Variants in ATG7 observed in about 807,000 individuals in gnomAD.
ATG7 encodes the protein autophagy related 7, also known as ubiquitin-like modifier-activating enzyme ATG7.
In ATG7, 70 loss-of-function variants were observed where a neutral mutation model predicts 82.4. The ratio of observed to expected loss-of-function variants is 0.85; its 90% confidence interval spans 0.70 to 1.04. The LOEUF is 1.04. Among genes scored for constraint, ATG7 ranks in the 50% least tolerant of loss-of-function variants. The pLI, the probability that ATG7 is intolerant of heterozygous loss-of-function variation, is 0.00. For synonymous variants in ATG7, 287 were observed against 313.0 expected (o/e 0.92, Z 0.88); for missense variants, 792 against 864.3 (o/e 0.92, Z 1.05).
chr3:11,339,034 T>C (rs1027314170), intron 11 of ATG7, among the ~76,000 whole-genome samples: 9 of 152,144 alleles, frequency 5.9e-5, no homozygotes, highest in Non-Finnish European at 1.2e-4. Context: ...TGGTAACTCA[T>C]GCCTGTAATC....
At chr3:11,435,186 C>T (rs976070758) in intron 20 of ATG7, among the ~76,000 whole-genome samples, 7 of 152,176 alleles carry the variant, frequency 4.6e-5, no homozygotes, top group Non-Finnish European at 7.3e-5. Context: ...TCTATTATAT[C>T]TAGCTACCAT....
intron 20 of ATG7, among the ~76,000 whole-genome samples, chr3:11,516,697 T>A (rs2092292636): frequency 1.3e-5 from 2 of 152,110 alleles, no homozygotes; most frequent in South Asian, 4.2e-4. Flanking sequence ...AATGGAGAAA[T>A]AAACTGTGGT....
At chr3:11,438,581 A>C (rs1232892554) in intron 20 of ATG7, among the ~76,000 whole-genome samples, 1 of 73,066 alleles carries the variant, frequency 1.4e-5, no homozygotes, top group Non-Finnish European at 2.7e-5. Flanking sequence ...AAACAAAACA[A>C]AAATAAAGAT....
chr3:11,286,999 C>G (rs189665072), intron 3 of ATG7, among the ~76,000 whole-genome samples: 1 of 151,798 alleles, frequency 6.6e-6, no homozygotes, highest in Admixed American at 6.6e-5. Context: ...ACTCCTGCCC[C>G]CAAGCAGTCC....
intron 19 of ATG7, among the ~76,000 whole-genome samples, chr3:11,400,871 T>G (rs1236253250): frequency 6.6e-6 from 1 of 152,188 alleles, no homozygotes; most frequent in Non-Finnish European, 1.5e-5. Context: ...GAAACCTGGC[T>G]CTCTCTGCAG....
rs1396935199 is a variant in ATG7, at chr3:11,554,864, G to C, written c.*21G>C. ...TCTGAGATGGCCCCGCTGTGGGGCTGACTTCTCCCCGGCCGCCTGCTGAGG... is the reference window on the plus strand; with the variant it reads ...TCTGAGATGGCCCCGCTGTGGGGCTCACTTCTCCCCGGCCGCCTGCTGAGG... On this transcript the variant is annotated 3_prime_UTR_variant, in exon 21 of 21. Transcript: ENST00000693202. 1 of 1,611,600 alleles carries C rather than the reference G, an allele frequency of 6.2e-7. No individual in the cohort carries two copies. Among genetic ancestry groups the C allele is most frequent in the African/African-American group, 1.3e-5 (1 of 74,902 alleles).
At chr3:11,405,083 C>T (rs2080203012) in intron 19 of ATG7, among the ~76,000 whole-genome samples, 1 of 152,166 alleles carries the variant, frequency 6.6e-6, no homozygotes, top group Admixed American at 6.6e-5. Context: ...TCAGCTGTTA[C>T]ATACCAAGTC....
At chr3:11,497,966 G>C (rs903578383) in intron 20 of ATG7, among the ~76,000 whole-genome samples, 1 of 152,114 alleles carries the variant, frequency 6.6e-6, no homozygotes, top group Non-Finnish European at 1.5e-5. Flanking sequence ...TCGTCGGGTA[G>C]ACGTGAGCCT....
chr3:11,396,883 G>C lies in ATG7; in HGVS notation c.1956+16831G>C, dbSNP rs551068986. Among the ~76,000 whole-genome samples the C allele has an allele frequency of 2.0e-5, 3 of 152,190 alleles. No individual in the cohort carries two copies. The East Asian group carries it at 5.8e-4, about 29-fold the overall frequency. ...AAGGTTCTTGCATTGTCTTGGAAGA[G>C]GTTAAAGATAGGAATTAATGCTTGA... On this transcript the variant is annotated intron_variant, in intron 19 of 20. Transcript: ENST00000693202.
the ATG7 span, among the ~76,000 whole-genome samples, chr3:11,572,746 A>G: frequency 6.6e-6 from 1 of 152,164 alleles, no homozygotes; most frequent in African/African-American, 2.4e-5. Context: ...ATGTTCCAAC[A>G]CAGAGACCTG....
chr3:11,439,589 G>A (rs1317961916), intron 20 of ATG7, among the ~76,000 whole-genome samples: 2 of 152,246 alleles, frequency 1.3e-5, no homozygotes, highest in East Asian at 3.8e-4. Flanking sequence ...ACGCAGTATA[G>A]TTGGGGAGAT....
intron 20 of ATG7, among the ~76,000 whole-genome samples, chr3:11,534,757 A>G (rs998251480): frequency 6.6e-6 from 1 of 152,132 alleles, no homozygotes; most frequent in African/African-American, 2.4e-5. Context: ...CCTCTTGACC[A>G]CCTGGGGGGA....
chr3:11,539,618 C>T (rs1222652327), intron 20 of ATG7, among the ~76,000 whole-genome samples: 4 of 152,128 alleles, frequency 2.6e-5, no homozygotes, highest in South Asian at 4.1e-4. Context: ...GAAAAAGACA[C>T]GGTATTTCTC....
At chr3:11,558,474 GAT>G, downstream of ATG7, 1 of 1,238,908 alleles carries the variant, frequency 8.1e-7, no homozygotes. Flanking sequence ...CCACCCCCAT[GAT>G]TTTTTTTTTT....
intron 20 of ATG7, among the ~76,000 whole-genome samples, chr3:11,490,911 C>T (rs547850170): frequency 2.0e-5 from 3 of 152,252 alleles, no homozygotes; most frequent in East Asian, 3.9e-4. Context: ...AACATTTTTT[C>T]CTTCATTTCA....
intron 20 of ATG7, among the ~76,000 whole-genome samples, chr3:11,475,908 C>CACACACACACA (rs59230356): frequency 7.6e-5 from 11 of 145,652 alleles, no homozygotes; most frequent in South Asian, 6.9e-4. Context: ...CACACACACA[C>CACACACACACA]CCCCTCCCAG....
At chr3:11,488,348 C>T (rs1470995849) in intron 20 of ATG7, 31 of 624,170 alleles carry the variant, frequency 5.0e-5, no homozygotes, top group Middle Eastern at 5.9e-4. Context: ...CCAGCCGCTG[C>T]CTCCCGGGCG....
At chr3:11,416,350 G>A (rs149438838) in intron 19 of ATG7, among the ~76,000 whole-genome samples, 310 of 152,200 alleles carry the variant, frequency 2.0e-3, no homozygotes, top group African/African-American at 7.1e-3. Flanking sequence ...CTTTCTATTT[G>A]GGAAGGTTAT....
At position 11,457,398 on chromosome 3, in the gene ATG7, A is replaced by G. The variant is rs370533656; in HGVS notation, c.2079+30472A>G. Among the ~76,000 whole-genome samples, 169 of 152,256 alleles carry G rather than the reference A, an allele frequency of 1.1e-3. 1 individual carries two copies. In the Middle Eastern group the frequency reaches 0.017, roughly 15 times the overall value. ...AACTTTGAGTAATGACACACACAAG[A>G]TAGAGGCTGTGCTTCCTTATCTGAA... On this transcript the variant is annotated intron_variant, in intron 20 of 20. Coordinates refer to ENST00000693202, the MANE Select transcript of ATG7 (RefSeq NM_001349232.2).
Sources: gnomAD v4.1 joint callset for allele counts (sites outside exome capture counted in the v4.1 genomes callset) on GRCh38, gnomAD v4.1.1 for gene constraint, MANE v1.5 for transcripts, NCBI Gene and HGNC (gene_info 2026-07-23, HGNC 2026-07-21) for gene names.